The following GRID2 variants were observed in gnomAD, a reference collection of about 807,000 sequenced individuals.
GRID2 encodes the protein glutamate receptor ionotropic, delta-2.
In GRID2, 33 loss-of-function variants were observed where a neutral mutation model predicts 114.8. That is an observed-to-expected ratio of 0.29 (90% CI 0.22 to 0.38). GRID2 has a LOEUF of 0.38. GRID2 is among the 10% of genes least tolerant of loss of function. The pLI is 1.00. For missense variants in GRID2, 1,184 were observed against 1,257.7 expected, an observed-to-expected ratio of 0.94 and a Z score of 0.89; for synonymous variants, 505 against 449.9, an observed-to-expected ratio of 1.12 and a Z score of -1.55.
At chr4:92,430,817 A>AC (rs1419749466) in intron 1 of GRID2, among the ~76,000 whole-genome samples, 8 of 151,870 alleles carry the variant, frequency 5.3e-5, no homozygotes, top group African/African-American at 1.9e-4. Flanking sequence ...CAGATCTTTC[A>AC]CTTCTTTGGT....
chr4:93,747,841 AC>A, intron 14 of GRID2, among the ~76,000 whole-genome samples: 1 of 152,116 alleles, frequency 6.6e-6, no homozygotes, highest in South Asian at 2.1e-4. Context: ...ATTAAATACT[AC>A]CTGTTATTTG....
intron 7 of GRID2, among the ~76,000 whole-genome samples, chr4:93,235,049 T>C (rs1375703519): frequency 6.6e-6 from 1 of 152,156 alleles, no homozygotes; most frequent in Non-Finnish European, 1.5e-5. Context: ...CAGTAATTTT[T>C]TTTTTACTTT....
intron 8 of GRID2, among the ~76,000 whole-genome samples, chr4:93,314,202 G>C (rs1237841245): frequency 1.3e-5 from 2 of 151,182 alleles, no homozygotes; most frequent in Non-Finnish European, 2.9e-5. Flanking sequence ...CTACTCAGGA[G>C]GCTGAGGCAG....
At chr4:92,477,949 C>T (rs1722399999) in intron 1 of GRID2, among the ~76,000 whole-genome samples, 1 of 151,104 alleles carries the variant, frequency 6.6e-6, no homozygotes, top group South Asian at 2.1e-4. Context: ...ACAAGAGTTA[C>T]ATCTTTTACA....
intron 1 of GRID2, among the ~76,000 whole-genome samples, chr4:92,456,374 C>T (rs558267330): frequency 9.2e-5 from 14 of 151,676 alleles, no homozygotes; most frequent in African/African-American, 2.4e-4. Context: ...CAATTCTGCA[C>T]GGAAAAAAAT....
intron 2 of GRID2, among the ~76,000 whole-genome samples, chr4:92,654,676 T>G (rs1732137597): frequency 6.6e-6 from 1 of 152,038 alleles, no homozygotes; most frequent in Admixed American, 6.6e-5. Flanking sequence ...GTTAAGCATT[T>G]TTTTCATATC....
At chr4:92,729,622 T>G (rs764578280) in intron 2 of GRID2, among the ~76,000 whole-genome samples, 1 of 152,030 alleles carries the variant, frequency 6.6e-6, no homozygotes, top group African/African-American at 2.4e-5. Flanking sequence ...TTCTATGCAA[T>G]TTTTTGCATT....
At chr4:93,315,829 T>C (rs1756523118) in intron 8 of GRID2, among the ~76,000 whole-genome samples, 1 of 152,136 alleles carries the variant, frequency 6.6e-6, no homozygotes, top group Non-Finnish European at 1.5e-5. Flanking sequence ...ATTAACAGAG[T>C]TCCTACTTTA....
In GRID2 at chr4:92,410,160, G is replaced by A. The variant is rs183869989; in HGVS notation, c.88+105416G>A. Among the ~76,000 whole-genome samples the A allele has an allele frequency of 5.3e-5, 8 of 152,102 alleles. No individual in the cohort carries two copies. The East Asian group carries it at 1.4e-3, about 26-fold the overall frequency. ...CGGAGGACACCCAACATGACTTTCC[G>A]GGAAGCATCTTCTATCTGTCCTTGA... On this transcript the variant is annotated intron_variant, in intron 1 of 15. Coordinates refer to ENST00000282020, the MANE Select transcript of GRID2 (RefSeq NM_001510.4).
chr4:93,319,905 T>G lies in GRID2; in HGVS notation c.1246-75702T>G, dbSNP rs551875880. On this transcript the variant is annotated intron_variant, in intron 8 of 15. Coordinates refer to ENST00000282020, the MANE Select transcript of GRID2 (RefSeq NM_001510.4). The stretch of plus-strand genomic sequence containing the variant: ...GTCCAGCCTACCCAATACCTTAATT[T>G]CAGTTTTGTGAGTCCCTAAGCAAAC... 17 of 152,252 alleles carry G rather than the reference T, an allele frequency of 1.1e-4. No homozygotes were observed. In the South Asian group the frequency reaches 3.1e-3, roughly 28 times the overall value. 9.4% of individuals were successfully genotyped at this position (152,252 alleles called of 1,614,324 possible).
At chr4:92,702,114 G>A (rs558293741) in intron 2 of GRID2, among the ~76,000 whole-genome samples, 3 of 152,144 alleles carry the variant, frequency 2.0e-5, no homozygotes, top group South Asian at 2.1e-4. Context: ...AGTTCAGACC[G>A]GAGCAATCCA....
At chr4:92,900,644 C>T (rs1359757414) in intron 2 of GRID2, among the ~76,000 whole-genome samples, 1 of 152,082 alleles carries the variant, frequency 6.6e-6, no homozygotes, top group African/African-American at 2.4e-5. Context: ...TCCTGGCTAA[C>T]ACGGTGAAAC....
At chr4:92,502,442 G>A (rs890857647) in intron 1 of GRID2, among the ~76,000 whole-genome samples, 1 of 151,896 alleles carries the variant, frequency 6.6e-6, no homozygotes, top group Non-Finnish European at 1.5e-5. Context: ...GATTTTAAGA[G>A]TTTATTTTGA....
intron 13 of GRID2, among the ~76,000 whole-genome samples, chr4:93,517,925 CT>C (rs1560705864): frequency 4.6e-5 from 5 of 109,330 alleles, no homozygotes; most frequent in Non-Finnish European, 1.0e-4. Context: ...TATGTATATA[CT>C]ATATATGTAT....
chr4:92,934,021 T>G (rs1343701905), intron 2 of GRID2, among the ~76,000 whole-genome samples: 3 of 151,794 alleles, frequency 2.0e-5, no homozygotes, highest in Non-Finnish European at 4.4e-5. Flanking sequence ...CACAGCAAGT[T>G]TGTAAATTTT....
At chr4:92,713,484 T>TAC (rs1560547924) in intron 2 of GRID2, among the ~76,000 whole-genome samples, 11 of 98,336 alleles carry the variant, frequency 1.1e-4, no homozygotes, top group African/African-American at 4.4e-4. Flanking sequence ...TACATATATA[T>TAC]ATATATATAT....
chr4:93,298,963 C>T (rs1754591232), intron 8 of GRID2, among the ~76,000 whole-genome samples: 1 of 152,066 alleles, frequency 6.6e-6, no homozygotes, highest in South Asian at 2.1e-4. Flanking sequence ...GGGTAATATG[C>T]AGTATTTTTT....
chr4:93,151,753 G>A (rs1182522560), intron 4 of GRID2, among the ~76,000 whole-genome samples: 2 of 152,056 alleles, frequency 1.3e-5, no homozygotes, highest in Non-Finnish European at 2.9e-5. Context: ...AGCCAACAGT[G>A]CCAGGTCACA....
intron 1 of GRID2, among the ~76,000 whole-genome samples, chr4:92,496,011 T>C (rs1560670443): frequency 6.6e-6 from 1 of 151,896 alleles, no homozygotes; most frequent in Admixed American, 6.6e-5. Flanking sequence ...ACTGAATTTG[T>C]ATTTCCTCAA....
Sources: gnomAD v4.1 joint callset for allele counts (sites outside exome capture counted in the v4.1 genomes callset) on GRCh38, gnomAD v4.1.1 for gene constraint, MANE v1.5 for transcripts, NCBI Gene and HGNC (gene_info 2026-07-23, HGNC 2026-07-21) for gene names.